The following PEAK1 variants were observed in gnomAD, a reference collection of about 807,000 sequenced individuals.
The protein encoded by PEAK1 is inactive tyrosine-protein kinase PEAK1.
In PEAK1, 54 loss-of-function variants were observed where a neutral mutation model predicts 124.7. That is an observed-to-expected ratio of 0.43 (90% CI 0.35 to 0.54). The LOEUF (loss-of-function observed/expected upper bound fraction) is 0.54, where lower values mean the gene tolerates loss of function less well. Ranked by LOEUF, PEAK1 falls within the 20% of genes least tolerant of loss-of-function variation. PEAK1 has a pLI of 0.01. For synonymous variants in PEAK1, 719 were observed against 760.0 expected (o/e 0.95, Z 0.89); for missense variants, 2,046 against 2,134.5 (o/e 0.96, Z 0.82).
rs1470271687 is a variant in PEAK1, at chr15:77,194,686, T to C, written c.-114-12646A>G. Among the ~76,000 whole-genome samples the C allele has an allele frequency of 2.0e-5, 3 of 152,310 alleles. No homozygotes were observed. The East Asian group carries it at 5.8e-4, about 29-fold the overall frequency. On this transcript the variant is annotated intron_variant, in intron 6 of 9. Coordinates refer to ENST00000682557, the MANE Select transcript of PEAK1 (RefSeq NM_001385026.1). ...TATATCTTATTCAGTCTTGGCACTGTATGTTTCTTGAACAGATGAATAAAT... is the reference window on the plus strand; with the variant it reads ...TATATCTTATTCAGTCTTGGCACTGCATGTTTCTTGAACAGATGAATAAAT...
chr15:77,167,823 G>A (rs949558021), intron 7 of PEAK1, among the ~76,000 whole-genome samples: 2 of 152,008 alleles, frequency 1.3e-5, no homozygotes, highest in African/African-American at 2.4e-5. Context: ...GTGCCATGTC[G>A]GTTTGCTGCA....
At chr15:77,129,935 G>A (rs932811722) in intron 9 of PEAK1, among the ~76,000 whole-genome samples, 1 of 152,156 alleles carries the variant, frequency 6.6e-6, no homozygotes, top group African/African-American at 2.4e-5. Context: ...GGTTCACAGA[G>A]CCCTAATAGT....
intron 6 of PEAK1, among the ~76,000 whole-genome samples, chr15:77,209,529 G>A (rs1430216964): frequency 6.6e-6 from 1 of 152,150 alleles, no homozygotes; most frequent in Non-Finnish European, 1.5e-5. Flanking sequence ...TGTTATGGAA[G>A]TATGATACAG....
chr15:77,129,222 A>C (rs906697187), intron 9 of PEAK1, among the ~76,000 whole-genome samples: 5 of 152,230 alleles, frequency 3.3e-5, no homozygotes, highest in Non-Finnish European at 7.3e-5. Flanking sequence ...AGCCCTCCCC[A>C]GAAAGCAAAT....
chr15:77,198,919 C>T (rs555290827), intron 6 of PEAK1, among the ~76,000 whole-genome samples: 2 of 152,178 alleles, frequency 1.3e-5, no homozygotes, highest in Non-Finnish European at 2.9e-5. Flanking sequence ...TCTGCCTGAG[C>T]AGGCTTTTAG....
At chr15:77,418,031 G>A (rs2073031594) in intron 1 of PEAK1, 2 of 979,956 alleles carry the variant, frequency 2.0e-6, no homozygotes, top group Non-Finnish European at 2.4e-6. Flanking sequence ...TGTGATTGTC[G>A]GCAAACAGTT....
chr15:77,293,384 T>A (rs2063322914), intron 2 of PEAK1, among the ~76,000 whole-genome samples: 1 of 152,244 alleles, frequency 6.6e-6, no homozygotes, highest in African/African-American at 2.4e-5. Flanking sequence ...CTTTTTAGAA[T>A]CATACTGACA....
chr15:77,368,094 GT>G (rs1254755951), intron 1 of PEAK1, among the ~76,000 whole-genome samples: 1 of 152,072 alleles, frequency 6.6e-6, no homozygotes, highest in Non-Finnish European at 1.5e-5. Flanking sequence ...TTTCTACAGT[GT>G]TTAATATGTA....
intron 1 of PEAK1, among the ~76,000 whole-genome samples, chr15:77,411,749 T>C (rs2072434136): frequency 6.6e-6 from 1 of 152,120 alleles, no homozygotes; most frequent in African/African-American, 2.4e-5. Flanking sequence ...AAAACAGGCA[T>C]GGGCCAGCAC....
chr15:77,377,048 T>C (rs1340713601), intron 1 of PEAK1, among the ~76,000 whole-genome samples: 1 of 152,198 alleles, frequency 6.6e-6, no homozygotes, highest in Non-Finnish European at 1.5e-5. Context: ...CATGTTACTA[T>C]ATTGAATACT....
Position 77,180,640 on chromosome 15 carries a change from A to T in PEAK1, c.1287T>A (p.Ala429=). The part of the protein sequence containing the change: ...LRLEEKDGKI[A]VQTEKEESKA... ...TACTTTCTTCCTTCTCAGTTTGTAC[A>T]GCAATCTTGCCATCTTTCTCTTCTA... The change falls in exon 7 of 10, where the codon GCT becomes GCA. Residue 429 remains alanine, a synonymous_variant. Coordinates refer to ENST00000682557, the MANE Select transcript of PEAK1 (RefSeq NM_001385026.1). 1 of 1,614,180 alleles carries T rather than the reference A, an allele frequency of 6.2e-7. No individual in the cohort carries two copies. Among genetic ancestry groups the T allele is most frequent in the African/African-American group, 1.3e-5 (1 of 75,046 alleles).
At chr15:77,397,154 G>C (rs757782770) in intron 1 of PEAK1, among the ~76,000 whole-genome samples, 1 of 152,010 alleles carries the variant, frequency 6.6e-6, no homozygotes, top group African/African-American at 2.4e-5. Context: ...AATAACAAGA[G>C]GAATTTTGTA....
intron 2 of PEAK1, among the ~76,000 whole-genome samples, chr15:77,330,232 T>C (rs1164348447): frequency 6.6e-6 from 1 of 152,184 alleles, no homozygotes; most frequent in Non-Finnish European, 1.5e-5. Flanking sequence ...ATTATTTCTT[T>C]TAACAAGGCT....
At chr15:77,178,672 C>T in intron 7 of PEAK1, 118 bp downstream of exon 7, 1 of 955,204 alleles carries the variant, frequency 1.0e-6, no homozygotes, top group Non-Finnish European at 1.5e-6. Context: ...TAGATGATGG[C>T]CACAGAGTGC....
chr15:77,142,572 T>C (rs1472510759), intron 8 of PEAK1, among the ~76,000 whole-genome samples: 3 of 152,196 alleles, frequency 2.0e-5, no homozygotes, highest in Non-Finnish European at 4.4e-5. Context: ...GTCCATCACC[T>C]GATGAATGGA....
chr15:77,325,580 A>G (rs2065520893), intron 2 of PEAK1, among the ~76,000 whole-genome samples: 1 of 152,156 alleles, frequency 6.6e-6, no homozygotes, highest in African/African-American at 2.4e-5. Context: ...GAAACAGTTC[A>G]TCTCCTTGTA....
Position 77,178,855 on chromosome 15 carries a change from T to A in PEAK1, c.3072A>T (p.Leu1024Phe). 6.2e-7 allele frequency: 1 copy of A among 1,614,160 alleles called. No individual in the cohort carries two copies. The highest frequency in any genetic ancestry group is 8.5e-7 in the Non-Finnish European group (1 of 1,180,008). Residue 1024 changes from leucine (L) to phenylalanine (F), a missense_variant, in exon 7 of 10, where the codon TTA becomes TTT. Physicochemically the swap from Leu to Phe is conservative, Grantham distance 22. Transcript: ENST00000682557. ...TCCTCTTCTTCTCTGAGTCCTGTAG[T>A]AATGCATTCTCTGCTCTACCCTTCT... ...VMEKGRAENA[L>F]LQDSEKKRSH...
chr15:77,236,152 G>A (rs1323420559), intron 6 of PEAK1, among the ~76,000 whole-genome samples: 1 of 152,230 alleles, frequency 6.6e-6, no homozygotes, highest in Non-Finnish European at 1.5e-5. Context: ...TAGTGGAGCT[G>A]TGAGAAGAGG....
intron 5 of PEAK1, among the ~76,000 whole-genome samples, chr15:77,268,916 G>A (rs968264741): frequency 3.3e-5 from 5 of 152,036 alleles, no homozygotes; most frequent in Admixed American, 1.3e-4. Context: ...ACAAAACTAG[G>A]CTTCATAAAT....
Sources: gnomAD v4.1 joint callset for allele counts (sites outside exome capture counted in the v4.1 genomes callset) on GRCh38, gnomAD v4.1.1 for gene constraint, MANE v1.5 for transcripts, NCBI Gene and HGNC (gene_info 2026-07-23, HGNC 2026-07-21) for gene names.